Variants in TCTN3 observed in about 807,000 individuals in gnomAD.
TCTN3 encodes tectonic-3.
A neutral mutation model predicts 71.3 loss-of-function variants in TCTN3; 57 were observed. That is an observed-to-expected ratio of 0.80 (90% confidence interval 0.65 to 1.00). The LOEUF (loss-of-function observed/expected upper bound fraction) is 1.00. Ranked by LOEUF, TCTN3 falls within the 50% of genes least tolerant of loss-of-function variation. The pLI, the probability that TCTN3 is intolerant of heterozygous loss-of-function variation, is 0.00. For synonymous variants in TCTN3, 258 were observed against 267.8 expected, an observed-to-expected ratio of 0.96 and a Z score of 0.36; for missense variants, 696 against 719.9, an observed-to-expected ratio of 0.97 and a Z score of 0.38.
intron 3 of TCTN3, among the ~76,000 whole-genome samples, chr10:95,689,322 A>C (rs776819444): frequency 1.3e-5 from 2 of 152,144 alleles, no homozygotes; most frequent in African/African-American, 2.4e-5. Flanking sequence ...TGCATATTAG[A>C]ATTTGAAAAG....
intron 13 of TCTN3, among the ~76,000 whole-genome samples, chr10:95,679,737 G>A (rs1296388058): frequency 7.3e-5 from 11 of 150,228 alleles, no homozygotes; most frequent in African/African-American, 2.2e-4. Flanking sequence ...GACTACAGGC[G>A]CCCGCCACTA....
At chr10:95,672,942 C>G (rs1249387007) in intron 13 of TCTN3, among the ~76,000 whole-genome samples, 2 of 145,280 alleles carry the variant, frequency 1.4e-5, no homozygotes, top group Non-Finnish European at 3.0e-5. Context: ...ATCCGCTCAT[C>G]TCAGCTTCTC....
intron 3 of TCTN3, among the ~76,000 whole-genome samples, chr10:95,690,655 C>T (rs537309677): frequency 4.6e-5 from 7 of 152,118 alleles, no homozygotes; most frequent in Non-Finnish European, 7.3e-5. Context: ...CTAAAAGAGC[C>T]AGGAACACTA....
chr10:95,668,216 A>G (rs192503326), intron 13 of TCTN3, among the ~76,000 whole-genome samples: 28 of 147,904 alleles, frequency 1.9e-4, no homozygotes, highest in Non-Finnish European at 3.7e-4. Flanking sequence ...AAAAATAGAG[A>G]TTCAATCTAG....
At chr10:95,686,624 G>T in intron 6 of TCTN3, 94 bp from the exon 7 acceptor site, 1 of 1,198,734 alleles carries the variant, frequency 8.3e-7, no homozygotes, top group Non-Finnish European at 1.2e-6. Flanking sequence ...GCTTTGGTTT[G>T]GCGGGCAGGG....
chr10:95,677,486 T>TTTTTTTTG (rs2097938457), intron 13 of TCTN3, among the ~76,000 whole-genome samples: 1 of 133,722 alleles, frequency 7.5e-6, no homozygotes, highest in Non-Finnish European at 1.6e-5. Flanking sequence ...TTTTTTTGTT[T>TTTTTTTTG]TTTTTTTTTT....
intron 2 of TCTN3, 129 bp from the exon 3 acceptor site, chr10:95,693,167 G>A: frequency 1.7e-6 from 2 of 1,193,060 alleles, no homozygotes; most frequent in Non-Finnish European, 1.2e-6. Flanking sequence ...CGACACGAAG[G>A]TCTTATTCTA....
intron 10 of TCTN3, 133 bp from the exon 11 acceptor site, chr10:95,683,328 T>C: frequency 6.7e-7 from 1 of 1,496,180 alleles, no homozygotes; most frequent in Non-Finnish European, 8.9e-7. Flanking sequence ...AGTCACAAAT[T>C]TGTGATTTTT....
intron 3 of TCTN3, 33 bp downstream of exon 3, chr10:95,692,887 G>C (rs772716346): frequency 6.7e-7 from 1 of 1,500,386 alleles, no homozygotes; most frequent in South Asian, 1.1e-5. Context: ...TCCTGTGTTA[G>C]AAAATGAGAA....
chr10:95,678,823 T>C (rs1037133713), intron 13 of TCTN3, among the ~76,000 whole-genome samples: 5 of 152,188 alleles, frequency 3.3e-5, no homozygotes, highest in African/African-American at 7.2e-5. Flanking sequence ...CTATAAGATA[T>C]AAGTATCATT....
chr10:95,663,964 A>T lies in TCTN3; in HGVS notation c.*103T>A. The T allele has an allele frequency of 1.1e-6, 1 of 890,848 alleles. No individual in the cohort carries two copies. The highest frequency in any genetic ancestry group is 2.1e-5 in the Admixed American group (1 of 47,354). The allele number at this position is 890,848 out of a possible 1,614,324, so 55.2% of individuals were successfully genotyped here. A position where few individuals can be genotyped will look rare whatever the true frequency, so the allele number is the denominator to read the frequency against. ...TTCAGTTAGGTCCTCTATTATCCTA[A>T]ATGCTCTCTGGTCATGAGCAGGTGA... is the stretch of plus-strand genomic sequence containing the variant. On this transcript the variant is annotated 3_prime_UTR_variant, in exon 14 of 14. Transcript: ENST00000371217.
At chr10:95,680,653 T>G in intron 12 of TCTN3, 44 bp from the exon 13 acceptor site, 1 of 1,599,676 alleles carries the variant, frequency 6.3e-7, no homozygotes, top group Non-Finnish European at 8.5e-7. Flanking sequence ...GCCTGATGGT[T>G]GCCTATAGTC....
intron 13 of TCTN3, among the ~76,000 whole-genome samples, chr10:95,669,351 C>A (rs1566064836): frequency 6.6e-6 from 1 of 152,150 alleles, no homozygotes; most frequent in Non-Finnish European, 1.5e-5. Context: ...ATCCTAAATA[C>A]CGATTTGATC....
At chr10:95,686,925 A>G in intron 6 of TCTN3, 119 bp downstream of exon 6, 1 of 818,936 alleles carries the variant, frequency 1.2e-6, no homozygotes, top group African/African-American at 1.7e-5. Flanking sequence ...TCTGTCTTTT[A>G]CGTGGCTCCT....
intron 13 of TCTN3, among the ~76,000 whole-genome samples, chr10:95,669,712 G>A (rs1189309865): frequency 6.6e-6 from 1 of 152,074 alleles, no homozygotes; most frequent in Non-Finnish European, 1.5e-5. Flanking sequence ...TTGGAGGTAG[G>A]GAACTAACAT....
At position 95,693,777 on chromosome 10, in the gene TCTN3, C is replaced by A; in HGVS notation, c.123G>T (p.Gly41=). The A allele has an allele frequency of 6.4e-7, 1 of 1,551,658 alleles. No individual in the cohort carries two copies. Among genetic ancestry groups the A allele is most frequent in the Non-Finnish European group, 8.7e-7 (1 of 1,146,994 alleles). The change falls in exon 1 of 14, where the codon GGG becomes GGT. Residue 41 remains glycine, a synonymous_variant. Transcript: ENST00000371217. The part of the protein sequence containing the change: ...AVPTSLELQR[G]TDGGTLQSPS... ...GGGACTGGAGGGTTCCGCCATCCGT[C>A]CCTCGCTGCAGCTCCAAAGACGTGG...
At chr10:95,664,625 C>G (rs75941316) in intron 13 of TCTN3, among the ~76,000 whole-genome samples, 1 of 152,338 alleles carries the variant, frequency 6.6e-6, no homozygotes, top group East Asian at 1.9e-4. Flanking sequence ...TCTACTCTAT[C>G]AGAAGGCTCC....
At chr10:95,674,912 T>C (rs1333844662) in intron 13 of TCTN3, among the ~76,000 whole-genome samples, 2 of 152,060 alleles carry the variant, frequency 1.3e-5, no homozygotes, top group African/African-American at 2.4e-5. Flanking sequence ...ATATCTCCAT[T>C]TTTTTTTCCT....
chr10:95,670,997 C>G (rs1379795262), intron 13 of TCTN3, among the ~76,000 whole-genome samples: 2 of 152,184 alleles, frequency 1.3e-5, no homozygotes, highest in Non-Finnish European at 2.9e-5. Context: ...TTTAGTATCA[C>G]ATGAAGAACA....
Sources: allele counts gnomAD v4.1 joint callset (sites outside exome capture counted in the v4.1 genomes callset), GRCh38; gene constraint gnomAD v4.1.1; transcripts MANE v1.5; gene names NCBI Gene and HGNC (gene_info 2026-07-23, HGNC 2026-07-21).